GMIP: variants seen among roughly 807,000 people sequenced by gnomAD.
The protein encoded by GMIP is GEM-interacting protein.
GMIP carries 54 observed loss-of-function variants against 105.3 expected under a neutral mutation model. That is an observed-to-expected ratio of 0.51 (90% CI 0.41 to 0.64). The LOEUF is 0.64. GMIP is among the 30% of genes least tolerant of loss of function. The pLI is 0.00. For synonymous variants in GMIP, 541 were observed against 560.8 expected (o/e 0.96, Z 0.50); for missense variants, 1,110 against 1,319.4 (o/e 0.84, Z 2.46).
In GMIP at chr19:19,637,092, G is replaced by A; in HGVS notation, c.1125-63C>T. On this transcript the variant is annotated intron_variant, in intron 11 of 20. Transcript: ENST00000203556. This position sits in a 1 kb window ranked among gnomAD's most constrained non-coding sequence, Gnocchi z 6.7. ...AACTGGCCTGGGGTGATGGCACCCA[G>A]GCATCATGTCTAGGTACCAACTCCA... 1 of 1,104,996 alleles carries A rather than the reference G, an allele frequency of 9.0e-7. No individual in the cohort carries two copies. 68.4% of individuals were successfully genotyped at this position (1,104,996 alleles called of 1,614,324 possible).
At chr19:19,640,641 G>A in intron 4 of GMIP, 70 bp from the exon 5 acceptor site, 1 of 1,542,110 alleles carries the variant, frequency 6.5e-7, no homozygotes, top group Non-Finnish European at 8.9e-7. Context: ...TAAGCCCCCA[G>A]ACCAGCCCAG....
Position 19,630,462 on chromosome 19 carries a change from C to T in GMIP, c.2539+9G>A. The T allele has an allele frequency of 6.2e-7, 1 of 1,613,660 alleles. No homozygotes were observed. Among genetic ancestry groups the T allele is most frequent in the African/African-American group, 1.3e-5 (1 of 75,040 alleles). On this transcript the variant is annotated intron_variant, in intron 20 of 20. Coordinates refer to ENST00000203556, the MANE Select transcript of GMIP (RefSeq NM_016573.4). The surrounding 1 kb of genome is among the most constrained non-coding windows in gnomAD (Gnocchi z 4.8). Reference sequence around the variant, plus strand: ...CCAGAACTCCTGAGCCTCTCTCTAACATACTCACCTTCCCCTCCCCCATCT... The same window carrying T: ...CCAGAACTCCTGAGCCTCTCTCTAATATACTCACCTTCCCCTCCCCCATCT...
At chr19:19,642,266 C>T (rs750632949) in intron 2 of GMIP, among the ~76,000 whole-genome samples, 5 of 151,890 alleles carry the variant, frequency 3.3e-5, no homozygotes, top group Non-Finnish European at 7.4e-5. Flanking sequence ...CTTTGAGGTT[C>T]ATAGAGTGGG....
intron 2 of GMIP, among the ~76,000 whole-genome samples, 154 bp from the exon 3 acceptor site, chr19:19,642,205 T>C (rs926902426): frequency 2.0e-5 from 3 of 151,976 alleles, no homozygotes; most frequent in Non-Finnish European, 4.4e-5. Context: ...GGGAATCAGG[T>C]GAGTTTTTTT....
rs774695419 is a variant in GMIP, at chr19:19,637,533, C to G, written c.956G>C (p.Gly319Ala). ...RVTLSLFGLR[G>A]AQAERGPRAF... is the part of the protein sequence containing the mutation. ...GCGGGGGCCACGCTCTGCCTGCGCC[C>G]CCCGCAGCCCGAAGAGACTCAGCGT... Residue 319 changes from glycine (G) to alanine (A), a missense_variant, in exon 11 of 21, where the codon GGG becomes GCG. This residue lies in a region of GMIP where 667 missense variants were observed against 773.2 expected (regional missense o/e 0.86). Transcript: ENST00000203556. This position sits in a 1 kb window ranked among gnomAD's most constrained non-coding sequence, Gnocchi z 6.7. The G allele has an allele frequency of 1.4e-5, 21 of 1,533,958 alleles. No homozygotes were observed. The highest frequency in any genetic ancestry group is 3.5e-4 in the Middle Eastern group (2 of 5,644).
chr19:19,637,594 C>CGGAGCCTG lies in GMIP; in HGVS notation c.928-41_928-34dup. 6.8e-7 allele frequency: 1 copy of CGGAGCCTG among 1,466,352 alleles called. No individual in the cohort carries two copies. The highest frequency in any genetic ancestry group is 9.0e-7 in the Non-Finnish European group (1 of 1,111,598). 90.8% of individuals were successfully genotyped at this position (1,466,352 alleles called of 1,614,324 possible). On this transcript the variant is annotated intron_variant, in intron 10 of 20. Coordinates refer to ENST00000203556, the MANE Select transcript of GMIP (RefSeq NM_016573.4). The surrounding 1 kb of genome is among the most constrained non-coding windows in gnomAD (Gnocchi z 6.7). ...GTGGAGACAGCAGGTTGGGGAGGGG[C>CGGAGCCTG]GGAGCCTGGGAGCCTGGGGGCAGGG...
rs1599413459 is a variant in GMIP, at chr19:19,638,611, G to A, written c.538-129C>T. ...ACTCTATTTTTTTTTTTTTCGAGAC[G>A]GAGTTTTGCTCTTGTTGCCCAGGTT... On this transcript the variant is annotated intron_variant, in intron 7 of 20. Coordinates refer to ENST00000203556, the MANE Select transcript of GMIP (RefSeq NM_016573.4). 17 of 709,952 alleles carry A rather than the reference G, an allele frequency of 2.4e-5. No homozygotes were observed. The Middle Eastern group carries it at 8.1e-4, about 34-fold the overall frequency. The allele number at this position is 709,952 out of a possible 1,614,324, so 44.0% of individuals were successfully genotyped here.
In GMIP at chr19:19,640,074, G is replaced by GC. The variant is rs746635325; in HGVS notation, c.537+10dup. 2.0e-6 allele frequency: 3 copies of GC among 1,490,140 alleles called. No homozygotes were observed. The highest frequency in any genetic ancestry group is 1.1e-5 in the South Asian group (1 of 88,486). 92.3% of individuals were successfully genotyped at this position (1,490,140 alleles called of 1,614,324 possible). On this transcript the variant is annotated intron_variant, in intron 7 of 20. Coordinates refer to ENST00000203556, the MANE Select transcript of GMIP (RefSeq NM_016573.4). Reference sequence around the variant, plus strand: ...GGTGACCTCTGTAACATTCCACCCTGCCCCCCTCACCTGGTAGTAGTCTCT... The same window carrying GC: ...GGTGACCTCTGTAACATTCCACCCTGCCCCCCCTCACCTGGTAGTAGTCTCT...
At position 19,640,363 on chromosome 19, in the gene GMIP, G is replaced by T; in HGVS notation, c.365-3C>A. 6.2e-7 allele frequency: 1 copy of T among 1,614,014 alleles called. No homozygotes were observed. The highest frequency in any genetic ancestry group is 8.5e-7 in the Non-Finnish European group (1 of 1,179,972). ...GGTGCTCTTAGCAAACTCCAGCTCT[G>T]GGGGAAGAGAGAGCCGGGCTCTGGG... On this transcript the variant is annotated splice_region_variant and splice_polypyrimidine_tract_variant and intron_variant, in intron 5 of 20. Coordinates refer to ENST00000203556, the MANE Select transcript of GMIP (RefSeq NM_016573.4).
Position 19,635,128 on chromosome 19 carries a change from A to G in GMIP, c.1646T>C (p.Phe549Ser). 1 of 1,613,752 alleles carries G rather than the reference A, an allele frequency of 6.2e-7. No individual in the cohort carries two copies. The highest frequency in any genetic ancestry group is 8.5e-7 in the Non-Finnish European group (1 of 1,179,734). Reference protein sequence around the residue: ...HRRLPARTPLFGVDFLQLPRD... With the variant: ...HRRLPARTPLSGVDFLQLPRD... ...GGGTAGCTGCAGGAAGTCAACCCCA[A>G]AAAGGGGTGTCCGGGCTGGGAGCCG... The change falls in exon 16 of 21, where the codon TTT (phenylalanine) becomes TCT (serine). Residue 549 changes from phenylalanine (F) to serine (S), a missense_variant. Transcript: ENST00000203556. This position sits in a 1 kb window ranked among gnomAD's most constrained non-coding sequence, Gnocchi z 4.7.
Position 19,637,510 on chromosome 19 carries a change from G to A in GMIP, c.979C>T (p.Arg327Cys), listed in dbSNP as rs888753227. The A allele has an allele frequency of 2.6e-6, 4 of 1,538,180 alleles. No individual in the cohort carries two copies. Among genetic ancestry groups the A allele is most frequent in the Non-Finnish European group, 2.6e-6 (3 of 1,143,268 alleles). ...LRGAQAERGP[R>C]AFAALAECCA... The stretch of plus-strand genomic sequence containing the variant: ...CACTCGGCCAGGGCGGCGAAGGCGC[G>A]GGGGCCACGCTCTGCCTGCGCCCCC... Residue 327 changes from arginine to cysteine, a missense_variant, in exon 11 of 21, where the codon CGC becomes TGC. Coordinates refer to ENST00000203556, the MANE Select transcript of GMIP (RefSeq NM_016573.4). This position sits in a 1 kb window ranked among gnomAD's most constrained non-coding sequence, Gnocchi z 6.7.
intron 19 of GMIP, among the ~76,000 whole-genome samples, chr19:19,632,076 A>T (rs1382605983): frequency 6.6e-6 from 1 of 151,590 alleles, no homozygotes; most frequent in Non-Finnish European, 1.5e-5. Context: ...GGATCGCCTG[A>T]GGTCAGGAGT....
chr19:19,640,736 TTTTG>T (rs1413364209), intron 4 of GMIP, among the ~76,000 whole-genome samples, 165 bp from the exon 5 acceptor site: 1 of 152,054 alleles, frequency 6.6e-6, no homozygotes, highest in East Asian at 1.9e-4. Flanking sequence ...ATTCACTGTT[TTTTG>T]TTTTTTATTT....
At chr19:19,639,620 A>G (rs2061896648) in intron 7 of GMIP, among the ~76,000 whole-genome samples, 1 of 152,078 alleles carries the variant, frequency 6.6e-6, no homozygotes, top group Non-Finnish European at 1.5e-5. Flanking sequence ...AAGCTGAGGT[A>G]GGTGGATTAC....
In GMIP at chr19:19,637,228, A is replaced by G; in HGVS notation, c.1124+137T>C. 1.5e-6 allele frequency: 1 copy of G among 688,876 alleles called. No individual in the cohort carries two copies. Among genetic ancestry groups the G allele is most frequent in the South Asian group, 1.9e-5 (1 of 51,958 alleles). The allele number at this position is 688,876 out of a possible 1,614,324, so 42.7% of individuals were successfully genotyped here. On this transcript the variant is annotated intron_variant, in intron 11 of 20. Coordinates refer to ENST00000203556, the MANE Select transcript of GMIP (RefSeq NM_016573.4). The surrounding 1 kb of genome is among the most constrained non-coding windows in gnomAD (Gnocchi z 6.7). ...ACTGGGACAACCCATTCACCCTCCT[A>G]TGGCCCCCGAGAGCCTGGAGTACTA...
chr19:19,639,283 G>A (rs1156840482), intron 7 of GMIP, among the ~76,000 whole-genome samples: 1 of 145,852 alleles, frequency 6.9e-6, no homozygotes, highest in Non-Finnish European at 1.5e-5. Context: ...GTCTCACTAT[G>A]TTGCCCAGGT....
chr19:19,637,847 G>A lies in GMIP; in HGVS notation c.927+73C>T. 1.3e-6 allele frequency: 2 copies of A among 1,482,378 alleles called. No homozygotes were observed. 91.8% of individuals were successfully genotyped at this position (1,482,378 alleles called of 1,614,324 possible). A position where few individuals can be genotyped will look rare whatever the true frequency, so the allele number is the denominator to read the frequency against. The stretch of plus-strand genomic sequence containing the variant: ...GTCCTGGTGTCTCCAGGGTGGCTTA[G>A]GGGCGAGGAGTGGGGCACTCAGTCG... On this transcript the variant is annotated intron_variant, in intron 10 of 20. Coordinates refer to ENST00000203556, the MANE Select transcript of GMIP (RefSeq NM_016573.4). This position sits in a 1 kb window ranked among gnomAD's most constrained non-coding sequence, Gnocchi z 6.7.
rs182204408 is a variant in GMIP, at chr19:19,632,013, G to A, written c.2473-1476C>T. Among the ~76,000 whole-genome samples, 71 of 151,764 alleles carry A rather than the reference G, an allele frequency of 4.7e-4. No individual in the cohort carries two copies. The East Asian group carries it at 0.012, about 27-fold the overall frequency. On this transcript the variant is annotated intron_variant, in intron 19 of 20. Transcript: ENST00000203556. ...AAAAAAAAAAAAAAGATTCTAGGCCGGGTGCAGTGGCTCATGCCTGTAATC... is the reference window on the plus strand; with the variant it reads ...AAAAAAAAAAAAAAGATTCTAGGCCAGGTGCAGTGGCTCATGCCTGTAATC...
chr19:19,633,823 G>A lies in GMIP; in HGVS notation c.2452C>T (p.Pro818Ser). Residue 818 changes from proline to serine, a missense_variant, in exon 19 of 21, where the codon CCC (proline) becomes TCC (serine). Pro to Ser is a moderately conservative substitution (Grantham distance 74, BLOSUM62 -1). Around this residue, in one of 3 missense-constraint regions of GMIP, gnomAD observed 394 missense variants for 450.5 expected, o/e 0.87. Coordinates refer to ENST00000203556, the MANE Select transcript of GMIP (RefSeq NM_016573.4). ...PQHHSTLEQH[P>S]TATPTEIPTP... ...CTTACCTCGGTAGGTGTGGCCGTGG[G>A]ATGCTGCTCCAGGGTACTGTGGTGC... 1 of 1,473,078 alleles carries A rather than the reference G, an allele frequency of 6.8e-7. No individual in the cohort carries two copies. Among genetic ancestry groups the A allele is most frequent in the South Asian group, 1.5e-5 (1 of 66,874 alleles). 91.3% of individuals were successfully genotyped at this position (1,473,078 alleles called of 1,614,324 possible). A position where few individuals can be genotyped will look rare whatever the true frequency, so the allele number is the denominator to read the frequency against.
Sources: allele counts gnomAD v4.1 joint callset (sites outside exome capture counted in the v4.1 genomes callset), GRCh38; gene constraint gnomAD v4.1.1; regional missense constraint gnomAD v4.1.1; non-coding constraint Gnocchi (gnomAD v3.1); transcripts MANE v1.5; gene names NCBI Gene and HGNC (gene_info 2026-07-23, HGNC 2026-07-21).